The following LRPPRC variants were observed in gnomAD, a reference collection of about 807,000 sequenced individuals.
The protein encoded by LRPPRC is leucine-rich PPR motif-containing protein, mitochondrial.
A neutral mutation model predicts 180.3 loss-of-function variants in LRPPRC; 120 were observed. The ratio of observed to expected loss-of-function variants is 0.67; its 90% CI spans 0.57 to 0.77. The LOEUF (loss-of-function observed/expected upper bound fraction) is 0.77, where lower values mean the gene tolerates loss of function less well. Ranked by LOEUF, LRPPRC falls within the 30% of genes least tolerant of loss-of-function variation. The pLI, the probability that LRPPRC is intolerant of heterozygous loss-of-function variation, is 0.00. For synonymous variants in LRPPRC, 723 were observed against 600.0 expected (o/e 1.21, Z -3.00); for missense variants, 2,012 against 1,657.2 (o/e 1.21, Z -3.72).
At chr2:43,899,797 C>A (rs1051341379) in intron 32 of LRPPRC, 192 bp from the exon 33 acceptor site, 3 of 593,110 alleles carry the variant, frequency 5.1e-6, no homozygotes, top group Non-Finnish European at 8.9e-6. Flanking sequence ...AAAACATTCA[C>A]TAGCTGGTTC....
chr2:43,894,614 A>C lies in LRPPRC; in HGVS notation c.3916T>G (p.Ser1306Ala). 6.4e-7 allele frequency: 1 copy of C among 1,567,936 alleles called. No individual in the cohort carries two copies. The highest frequency in any genetic ancestry group is 2.2e-5 in the East Asian group (1 of 44,466). Residue 1306 changes from serine (S) to alanine (A), a missense_variant, in exon 36 of 38, where the codon TCT becomes GCT. Ser to Ala is a moderately conservative substitution (Grantham distance 99). Transcript: ENST00000260665. Reference protein sequence around the residue: ...RKQGKASTVKSVLELIPELNE... With the variant: ...RKQGKASTVKAVLELIPELNE... ...AATTCAGGAATCAATTCTAACACAG[A>C]TTTCACAGTTGATGCCTAGGAAATT...
At chr2:43,915,222 TCTCTCTCTCTCACACACACA>T (rs1558929930) in intron 29 of LRPPRC, among the ~76,000 whole-genome samples, 1 of 105,974 alleles carries the variant, frequency 9.4e-6, no homozygotes, top group African/African-American at 4.4e-5. Context: ...TCTCTCTCTC[TCTCTCTCTCTCACACACACA>T]CACACACACA....
At chr2:43,897,207 ATC>A (rs528924225) in intron 34 of LRPPRC, among the ~76,000 whole-genome samples, 3 of 152,170 alleles carry the variant, frequency 2.0e-5, no homozygotes, top group Admixed American at 1.3e-4. Context: ...ACTGATTTCA[ATC>A]TCTCTATTTT....
chr2:43,983,586 TAC>T (rs1674403508), intron 1 of LRPPRC, among the ~76,000 whole-genome samples: 2 of 152,294 alleles, frequency 1.3e-5, no homozygotes, highest in African/African-American at 2.4e-5. Context: ...ATCAGTGGTT[TAC>T]ACATTTATTG....
At position 43,921,793 on chromosome 2, in the gene LRPPRC, A is replaced by G. The variant is rs528088996; in HGVS notation, c.2896+3274T>C. ...GAGGAGGAAAAAGCCATACAATATG[A>G]AAAGAAATGTAAATGGCTATACATA... On this transcript the variant is annotated intron_variant, in intron 27 of 37. Transcript: ENST00000260665. Among the ~76,000 whole-genome samples, 9 of 152,352 alleles carry G rather than the reference A, an allele frequency of 5.9e-5. No individual in the cohort carries two copies. The East Asian group carries it at 1.7e-3, about 29-fold the overall frequency.
Position 43,949,651 on chromosome 2 carries a change from T to C in LRPPRC, c.1686A>G (p.Glu562=). Residue 562 remains glutamate, a synonymous_variant, in exon 16 of 38, where the codon GAA becomes GAG. Coordinates refer to ENST00000260665, the MANE Select transcript of LRPPRC (RefSeq NM_133259.4). ...MNINLWSEIT[E]LLYKDGRYCQ... ...AATAACGTCCATCCTTGTACAACAA[T>C]TCTGTTATCTGGTAAGACAGAAAAT... 1 of 1,613,294 alleles carries C rather than the reference T, an allele frequency of 6.2e-7. No individual in the cohort carries two copies.
At chr2:43,952,425 A>G (rs2103631385) in intron 14 of LRPPRC, among the ~76,000 whole-genome samples, 1 of 152,330 alleles carries the variant, frequency 6.6e-6, no homozygotes, top group East Asian at 1.9e-4. Context: ...AACAGTTACC[A>G]GTGCCCAAAC....
chr2:43,921,811 T>A (rs1330546546), intron 27 of LRPPRC, among the ~76,000 whole-genome samples: 1 of 152,206 alleles, frequency 6.6e-6, no homozygotes, highest in Non-Finnish European at 1.5e-5. Context: ...TGTAAATGGC[T>A]ATACATACTT....
intron 6 of LRPPRC, 81 bp downstream of exon 6, chr2:43,976,061 CA>C: frequency 1.2e-6 from 1 of 801,154 alleles, no homozygotes; most frequent in Non-Finnish European, 2.2e-6. Context: ...CCCCACTTAA[CA>C]AACAAAAAAG....
chr2:43,991,677 A>G (rs561403071), intron 1 of LRPPRC, among the ~76,000 whole-genome samples: 8 of 152,220 alleles, frequency 5.3e-5, no homozygotes, highest in South Asian at 2.1e-4. Flanking sequence ...GAAAGCATCT[A>G]TTTGAAAAAT....
At chr2:43,919,884 A>T (rs946373746) in intron 27 of LRPPRC, among the ~76,000 whole-genome samples, 1 of 151,978 alleles carries the variant, frequency 6.6e-6, no homozygotes, top group Non-Finnish European at 1.5e-5. Flanking sequence ...TTACAGCACA[A>T]ATGTTCCAGA....
At chr2:43,893,365 A>C (rs1670565750) in intron 36 of LRPPRC, among the ~76,000 whole-genome samples, 1 of 152,238 alleles carries the variant, frequency 6.6e-6, no homozygotes. Flanking sequence ...CATACTACAG[A>C]GAACTCTTTC....
chr2:43,973,998 C>A (rs2103712179), intron 9 of LRPPRC, 98 bp from the exon 10 acceptor site: 1 of 1,107,892 alleles, frequency 9.0e-7, no homozygotes, highest in East Asian at 2.4e-5. Flanking sequence ...GCATTTTAAA[C>A]CCCGCATCCT....
chr2:43,963,837 G>A, intron 11 of LRPPRC, 131 bp from the exon 12 acceptor site: 1 of 732,664 alleles, frequency 1.4e-6, no homozygotes. Flanking sequence ...TTGTCTAAAA[G>A]GCAGAAAAGA....
intron 27 of LRPPRC, among the ~76,000 whole-genome samples, chr2:43,919,153 T>C (rs1572918994): frequency 2.0e-5 from 3 of 152,236 alleles, no homozygotes; most frequent in South Asian, 2.1e-4. Context: ...GAACTGCGCA[T>C]GTGAGGGATC....
At chr2:43,888,762 G>A in intron 37 of LRPPRC, 106 bp from the exon 38 acceptor site, 1 of 700,910 alleles carries the variant, frequency 1.4e-6, no homozygotes, top group Non-Finnish European at 2.6e-6. Flanking sequence ...AGACTGCCAG[G>A]CCCATGGAAG....
At chr2:43,916,898 T>C (rs961010539) in intron 29 of LRPPRC, among the ~76,000 whole-genome samples, 1 of 146,510 alleles carries the variant, frequency 6.8e-6, no homozygotes, top group African/African-American at 2.6e-5. Flanking sequence ...TGAACCATGA[T>C]TGCGCCACTG....
chr2:43,921,027 C>T (rs564459708), intron 27 of LRPPRC, among the ~76,000 whole-genome samples: 108 of 152,266 alleles, frequency 7.1e-4, no homozygotes, highest in African/African-American at 2.5e-3. Flanking sequence ...TGCAGTGGCT[C>T]GTGTCTGTAA....
intron 11 of LRPPRC, among the ~76,000 whole-genome samples, chr2:43,968,391 T>C (rs974418310): frequency 6.6e-6 from 1 of 152,230 alleles, no homozygotes; most frequent in Admixed American, 6.5e-5. Flanking sequence ...TAGATGGAAG[T>C]TCCAAGAACT....
Sources: gnomAD v4.1 joint callset for allele counts (sites outside exome capture counted in the v4.1 genomes callset) on GRCh38, gnomAD v4.1.1 for gene constraint, MANE v1.5 for transcripts, NCBI Gene and HGNC (gene_info 2026-07-23, HGNC 2026-07-21) for gene names.